The following EXOC6B variants were observed in gnomAD, a reference collection of about 807,000 sequenced individuals.
EXOC6B encodes the protein exocyst complex component 6B, also known as SEC15 homolog B.
In EXOC6B, 54 loss-of-function variants were observed where a neutral mutation model predicts 113.5. The observed-to-expected ratio is 0.48, with a 90% confidence interval of 0.38 to 0.60. The LOEUF (loss-of-function observed/expected upper bound fraction) is 0.60, where lower values mean the gene tolerates loss of function less well. Among genes scored for constraint, EXOC6B ranks in the 20% least tolerant of loss-of-function variants. EXOC6B has a pLI of 0.00. For synonymous variants in EXOC6B, 357 were observed against 339.0 expected (o/e 1.05, Z -0.58); for missense variants, 797 against 977.5 (o/e 0.82, Z 2.46).
At chr2:72,592,316 C>T (rs1267223194) in intron 6 of EXOC6B, among the ~76,000 whole-genome samples, 1 of 151,986 alleles carries the variant, frequency 6.6e-6, no homozygotes, top group East Asian at 1.9e-4. Context: ...TTTGACAATG[C>T]CAAAGGATTA....
At chr2:72,599,599 C>T (rs556718552) in intron 6 of EXOC6B, among the ~76,000 whole-genome samples, 49 of 152,148 alleles carry the variant, frequency 3.2e-4, no homozygotes, top group Non-Finnish European at 6.0e-4. Flanking sequence ...GGGAATATAA[C>T]TGTCTTTGTT....
intron 16 of EXOC6B, among the ~76,000 whole-genome samples, chr2:72,485,766 T>G (rs1699392721): frequency 6.6e-6 from 1 of 152,128 alleles, no homozygotes; most frequent in East Asian, 1.9e-4. Context: ...AATCATATGG[T>G]CAACAATCTA....
chr2:72,311,109 T>G (rs1446071359), intron 20 of EXOC6B, among the ~76,000 whole-genome samples: 1 of 152,238 alleles, frequency 6.6e-6, no homozygotes, highest in African/African-American at 2.4e-5. Flanking sequence ...AGGGAATATA[T>G]GTTGTATTAA....
intron 20 of EXOC6B, among the ~76,000 whole-genome samples, chr2:72,326,270 G>A (rs1300598984): frequency 6.6e-6 from 1 of 152,114 alleles, no homozygotes; most frequent in Non-Finnish European, 1.5e-5. Context: ...AGATGTGATT[G>A]TCTCAAAAAC....
At chr2:72,448,275 A>G (rs1217458373) in intron 18 of EXOC6B, among the ~76,000 whole-genome samples, 1 of 152,088 alleles carries the variant, frequency 6.6e-6, no homozygotes, top group African/African-American at 2.4e-5. Flanking sequence ...AAACTGTTAT[A>G]TAATTTTTTG....
At chr2:72,626,937 G>T (rs942323052) in intron 6 of EXOC6B, among the ~76,000 whole-genome samples, 2 of 152,132 alleles carry the variant, frequency 1.3e-5, no homozygotes, top group Non-Finnish European at 2.9e-5. Context: ...TCTGGTCTAT[G>T]CCTTATTAGA....
chr2:72,597,269 G>A (rs1347986342), intron 6 of EXOC6B, among the ~76,000 whole-genome samples: 1 of 151,416 alleles, frequency 6.6e-6, no homozygotes, highest in East Asian at 2.0e-4. Context: ...ATGGATAAAG[G>A]AAATTAATGA....
intron 6 of EXOC6B, among the ~76,000 whole-genome samples, chr2:72,624,392 C>A (rs1163822380): frequency 1.3e-5 from 2 of 152,166 alleles, no homozygotes; most frequent in Non-Finnish European, 2.9e-5. Flanking sequence ...AGCCACTGCA[C>A]CTGGCATAAG....
intron 6 of EXOC6B, among the ~76,000 whole-genome samples, chr2:72,668,754 T>C (rs1399776120): frequency 6.6e-6 from 1 of 152,114 alleles, no homozygotes; most frequent in African/African-American, 2.4e-5. Context: ...TAACAGACAC[T>C]GGGGACTACT....
chr2:72,416,819 A>G (rs912923333), intron 18 of EXOC6B, among the ~76,000 whole-genome samples: 1 of 152,134 alleles, frequency 6.6e-6, no homozygotes, highest in Admixed American at 6.5e-5. Context: ...TCCTAGTCAC[A>G]GAAGATTAGA....
intron 6 of EXOC6B, among the ~76,000 whole-genome samples, chr2:72,592,714 T>C (rs868653219): frequency 6.6e-6 from 1 of 152,204 alleles, no homozygotes; most frequent in Non-Finnish European, 1.5e-5. Flanking sequence ...TCTAAAACCC[T>C]TGTAACTTCC....
At chr2:72,722,788 G>A (rs1201311589) in intron 5 of EXOC6B, among the ~76,000 whole-genome samples, 2 of 152,120 alleles carry the variant, frequency 1.3e-5, no homozygotes, top group African/African-American at 4.8e-5. Flanking sequence ...ACACTTTGGG[G>A]TTTAGTTATA....
At chr2:72,598,577 G>A (rs1670215653) in intron 6 of EXOC6B, among the ~76,000 whole-genome samples, 2 of 151,902 alleles carry the variant, frequency 1.3e-5, no homozygotes, top group South Asian at 4.2e-4. Context: ...TTGAAAATAA[G>A]AGAACAACAG....
chr2:72,707,457 A>G (rs894616831), intron 6 of EXOC6B, among the ~76,000 whole-genome samples: 11 of 150,360 alleles, frequency 7.3e-5, no homozygotes, highest in Middle Eastern at 6.8e-3. Flanking sequence ...TCTGTCACCC[A>G]GGCTAGAGTG....
intron 8 of EXOC6B, among the ~76,000 whole-genome samples, chr2:72,556,390 A>G (rs972878832): frequency 1.3e-5 from 2 of 152,124 alleles, no homozygotes; most frequent in African/African-American, 2.4e-5. Context: ...GCTTCTTCTG[A>G]CTTCTTTTTG....
At chr2:72,823,125 G>A (rs1007578450) in intron 1 of EXOC6B, among the ~76,000 whole-genome samples, 1 of 133,054 alleles carries the variant, frequency 7.5e-6, no homozygotes, top group Non-Finnish European at 1.5e-5. Flanking sequence ...CCCTGGGTCT[G>A]ACAGTAAGAC....
chr2:72,756,144 C>T (rs1395908433), intron 1 of EXOC6B, among the ~76,000 whole-genome samples: 2 of 152,026 alleles, frequency 1.3e-5, no homozygotes. Context: ...TTTGGTAAAA[C>T]ATAAAAGTAG....
At chr2:72,596,987 G>C (rs1338783130) in intron 6 of EXOC6B, among the ~76,000 whole-genome samples, 1 of 150,488 alleles carries the variant, frequency 6.6e-6, no homozygotes, top group Non-Finnish European at 1.5e-5. Context: ...GTGGAATGGG[G>C]AATAATTATT....
At chr2:72,245,121 T>C (rs142978146) in intron 20 of EXOC6B, among the ~76,000 whole-genome samples, 472 of 152,256 alleles carry the variant, frequency 3.1e-3, no homozygotes, top group Non-Finnish European at 5.0e-3. Context: ...TTTGTGAATA[T>C]CAACAAACTG....
Sources: allele counts gnomAD v4.1 joint callset (sites outside exome capture counted in the v4.1 genomes callset), GRCh38; gene constraint gnomAD v4.1.1; transcripts MANE v1.5; gene names NCBI Gene and HGNC (gene_info 2026-07-23, HGNC 2026-07-21).